Variants in DMD observed in about 807,000 individuals in gnomAD.
DMD encodes dystrophin.
A neutral mutation model predicts 330.1 loss-of-function variants in DMD; 63 were observed. That is an observed-to-expected ratio of 0.19 (90% CI 0.16 to 0.24). DMD has a LOEUF of 0.24. Among genes scored for constraint, DMD ranks in the 10% least tolerant of loss-of-function variants. The pLI, the probability that DMD is intolerant of heterozygous loss-of-function variation, is 1.00. For missense variants in DMD, 3,344 were observed against 2,684.1 expected (o/e 1.25, Z -5.43); for synonymous variants, 1,223 against 959.8 (o/e 1.27, Z -5.07).
chrX:32,538,214 C>T (rs780262236), intron 17 of DMD, among the ~76,000 whole-genome samples: 22 of 112,467 alleles, frequency 2.0e-4, no homozygotes, highest in East Asian at 1.7e-3. Context: ...TGCACCTTTA[C>T]GTCCAGATGG....
At chrX:33,067,005 G>A (rs758246035) in intron 1 of DMD, among the ~76,000 whole-genome samples, 20 of 111,981 alleles carry the variant, frequency 1.8e-4, no homozygotes, top group South Asian at 7.5e-4. Flanking sequence ...GCTATTCACA[G>A]GCCATCAAAC....
At chrX:32,731,338 G>A (rs772716628) in intron 7 of DMD, among the ~76,000 whole-genome samples, 236 of 112,496 alleles carry the variant, frequency 2.1e-3, no homozygotes, top group Middle Eastern at 4.7e-3. Context: ...CTGGGGGAGG[G>A]GCACCCGCCA....
chrX:32,927,399 A>T (rs7065013), intron 2 of DMD, among the ~76,000 whole-genome samples: 1 of 82,077 alleles, frequency 1.2e-5, no homozygotes. Flanking sequence ...ATGGAATTTC[A>T]CTCTTGTTGC....
At chrX:32,583,631 G>A (rs2053903662) in intron 13 of DMD, 2 of 111,816 alleles carry the variant, frequency 1.8e-5, no homozygotes, top group African/African-American at 6.5e-5. Context: ...TGCACGTATA[G>A]GCATTTTATT....
chrX:32,734,722 T>C (rs1172057948), intron 7 of DMD, among the ~76,000 whole-genome samples: 1 of 110,145 alleles, frequency 9.1e-6, no homozygotes. Flanking sequence ...CAACCCTTCA[T>C]GCTAAAAACT....
intron 18 of DMD, among the ~76,000 whole-genome samples, chrX:32,515,973 T>C (rs772515247): frequency 2.7e-5 from 3 of 111,135 alleles, no homozygotes; most frequent in South Asian, 3.8e-4. Flanking sequence ...TTTTTTAAAA[T>C]ATGTGAAATT....
At chrX:31,126,195 GAAACAAAAGCA>G (rs752585675) in intron 78 of DMD, among the ~76,000 whole-genome samples, 1 of 112,076 alleles carries the variant, frequency 8.9e-6, no homozygotes, top group African/African-American at 3.2e-5. Context: ...AAGAAAAAAG[GAAACAAAAGCA>G]AAATGAAGTC....
chrX:31,754,412 C>T, intron 51 of DMD, among the ~76,000 whole-genome samples: 1 of 109,552 alleles, frequency 9.1e-6, no homozygotes, highest in Middle Eastern at 4.7e-3. Context: ...ATTTGCAAAG[C>T]AAAACTGAAA....
intron 9 of DMD, among the ~76,000 whole-genome samples, chrX:32,674,126 A>G (rs1039989201): frequency 2.7e-5 from 3 of 112,045 alleles, no homozygotes; most frequent in African/African-American, 9.7e-5. Flanking sequence ...AAAAATCACC[A>G]GGAAGGCTCT....
chrX:32,839,672 T>C (rs1888526728), intron 4 of DMD, among the ~76,000 whole-genome samples: 1 of 112,283 alleles, frequency 8.9e-6, no homozygotes, highest in Admixed American at 9.4e-5. Flanking sequence ...GTTGTACTTA[T>C]GGATGTTTTC....
chrX:32,473,375 A>C (rs957460140), intron 21 of DMD, among the ~76,000 whole-genome samples: 1 of 111,654 alleles, frequency 9.0e-6, no homozygotes, highest in African/African-American at 3.2e-5. Flanking sequence ...ATATATATGC[A>C]TCCCAGAATG....
intron 61 of DMD, among the ~76,000 whole-genome samples, chrX:31,329,189 C>T: frequency 8.9e-6 from 1 of 112,128 alleles, no homozygotes; most frequent in Non-Finnish European, 1.9e-5. Context: ...CAGGTATTTG[C>T]ATCAGCATAA....
intron 64 of DMD, among the ~76,000 whole-genome samples, chrX:31,217,022 A>G (rs189395170): frequency 1.1e-3 from 127 of 112,092 alleles, no homozygotes; most frequent in African/African-American, 4.0e-3. Context: ...ACACATTATT[A>G]ATAAACTAAA....
chrX:31,977,127 G>T (rs987730170), intron 44 of DMD, among the ~76,000 whole-genome samples: 1 of 111,739 alleles, frequency 8.9e-6, no homozygotes, highest in African/African-American at 3.2e-5. Context: ...AGGCCTTAAA[G>T]ACAGTCTTTT....
chrX:31,449,268 G>A (rs901429055), intron 59 of DMD, among the ~76,000 whole-genome samples: 1 of 111,575 alleles, frequency 9.0e-6, no homozygotes, highest in Non-Finnish European at 1.9e-5. Context: ...TTAAGGGTAA[G>A]TGGGAACATT....
intron 61 of DMD, among the ~76,000 whole-genome samples, chrX:31,339,089 G>A (rs2057578382): frequency 9.0e-6 from 1 of 110,527 alleles, no homozygotes; most frequent in African/African-American, 3.3e-5. Context: ...TTTTACAATT[G>A]GCTCTCTTGA....
At chrX:32,417,627 G>T (rs1368471863) in intron 29 of DMD, among the ~76,000 whole-genome samples, 4 of 111,541 alleles carry the variant, frequency 3.6e-5, no homozygotes, top group Non-Finnish European at 7.5e-5. Context: ...GAACGTGGAA[G>T]AAGACAGCCA....
chrX:31,833,722 A>T (rs1484502668), intron 49 of DMD, among the ~76,000 whole-genome samples: 1 of 111,060 alleles, frequency 9.0e-6, no homozygotes, highest in Non-Finnish European at 1.9e-5. Flanking sequence ...TTGGGAGGTG[A>T]GCGTAGGAGC....
At chrX:31,829,880 T>C (rs2092982660) in intron 49 of DMD, among the ~76,000 whole-genome samples, 1 of 112,386 alleles carries the variant, frequency 8.9e-6, no homozygotes, top group Admixed American at 9.4e-5. Context: ...TAAGTGTAAC[T>C]AATACAACTG....
Sources: allele counts gnomAD v4.1 joint callset (sites outside exome capture counted in the v4.1 genomes callset), GRCh38; gene constraint gnomAD v4.1.1; transcripts MANE v1.5; gene names NCBI Gene and HGNC (gene_info 2026-07-23, HGNC 2026-07-21).